Variants in CRADD observed in about 807,000 individuals in gnomAD.
CRADD encodes the protein CARD and death domain containing adaptor protein.
In CRADD, 9 loss-of-function variants were observed where a neutral mutation model predicts 15.5. The observed-to-expected ratio is 0.58, with a 90% CI of 0.35 to 1.01. CRADD has a LOEUF of 1.01. CRADD is among the 50% of genes least tolerant of loss of function. CRADD has a pLI of 0.02. For synonymous variants in CRADD, 118 were observed against 107.6 expected, an observed-to-expected ratio of 1.10 and a Z score of -0.60; for missense variants, 227 against 250.3, an observed-to-expected ratio of 0.91 and a Z score of 0.63.
intron 2 of CRADD, among the ~76,000 whole-genome samples, chr12:93,783,066 C>G (rs1957229670): frequency 6.6e-6 from 1 of 152,032 alleles, no homozygotes; most frequent in African/African-American, 2.4e-5. Flanking sequence ...TGGGTTATAA[C>G]CCAATTTGTA....
chr12:93,734,698 G>A (rs545910667), intron 2 of CRADD, among the ~76,000 whole-genome samples: 9 of 152,218 alleles, frequency 5.9e-5, no homozygotes, highest in East Asian at 5.8e-4. Context: ...CCCGTCCCTC[G>A]TATTGCCTGT....
intron 2 of CRADD, among the ~76,000 whole-genome samples, chr12:93,716,751 A>T (rs959993690): frequency 6.6e-6 from 1 of 152,324 alleles, no homozygotes; most frequent in East Asian, 1.9e-4. Context: ...TTGTCTGGAT[A>T]TCACCGTTTA....
intron 2 of CRADD, among the ~76,000 whole-genome samples, chr12:93,765,048 G>A (rs1213968010): frequency 6.6e-6 from 1 of 151,694 alleles, no homozygotes; most frequent in Non-Finnish European, 1.5e-5. Context: ...AGATATGGCT[G>A]AATGGAAATT....
At chr12:93,799,158 G>GAATCCAAA (rs1195428832) in intron 2 of CRADD, among the ~76,000 whole-genome samples, 1 of 152,176 alleles carries the variant, frequency 6.6e-6, no homozygotes, top group Non-Finnish European at 1.5e-5. Context: ...AGGCCCCAAG[G>GAATCCAAA]AATCCAAAAA....
intron 2 of CRADD, among the ~76,000 whole-genome samples, chr12:93,754,200 A>G (rs1023642325): frequency 2.6e-5 from 4 of 152,182 alleles, no homozygotes; most frequent in Non-Finnish European, 4.4e-5. Context: ...CTTTTTAGCC[A>G]TGGCTGGGAC....
At chr12:93,727,960 C>CTG (rs1418664383) in intron 2 of CRADD, among the ~76,000 whole-genome samples, 2 of 152,200 alleles carry the variant, frequency 1.3e-5, no homozygotes, top group African/African-American at 4.8e-5. Flanking sequence ...TGGAGGTAGA[C>CTG]TGTGTTTTTC....
chr12:93,886,796 A>G (rs17021672), intron 2 of CRADD, among the ~76,000 whole-genome samples: 13,945 of 152,160 alleles, frequency 0.092, 926 homozygotes, highest in African/African-American at 0.18. Context: ...TGCCCCTGCT[A>G]ACAGTGGAGA....
intron 2 of CRADD, among the ~76,000 whole-genome samples, chr12:93,827,485 G>A (rs1320288338): frequency 6.6e-6 from 1 of 152,080 alleles, no homozygotes; most frequent in Non-Finnish European, 1.5e-5. Flanking sequence ...CATTTGTTTC[G>A]TCGGCTATTA....
At chr12:93,726,695 T>A (rs1039963956) in intron 2 of CRADD, among the ~76,000 whole-genome samples, 3 of 152,174 alleles carry the variant, frequency 2.0e-5, no homozygotes, top group Non-Finnish European at 4.4e-5. Context: ...TTTCCTCATT[T>A]TTTTTTTCTG....
intron 2 of CRADD, among the ~76,000 whole-genome samples, chr12:93,842,182 T>C (rs1370015095): frequency 2.6e-5 from 4 of 152,164 alleles, no homozygotes; most frequent in Admixed American, 2.6e-4. Context: ...AGAGTTCCCA[T>C]TCTCAGATTA....
intron 2 of CRADD, chr12:93,815,104 A>C (rs1957679061): frequency 6.6e-6 from 1 of 152,208 alleles, no homozygotes; most frequent in Admixed American, 6.5e-5. Context: ...CAATCCCACA[A>C]AGCGACCACC....
intron 2 of CRADD, among the ~76,000 whole-genome samples, chr12:93,683,792 T>C: frequency 6.6e-6 from 1 of 152,256 alleles, no homozygotes; most frequent in East Asian, 1.9e-4. Context: ...GATATTGTGA[T>C]GGGTTTATTA....
At position 93,850,246 on chromosome 12, in the gene CRADD, C is replaced by T. The variant is rs532975114; in HGVS notation, c.575C>T (p.Ser192Leu). ...CTGCGGGCTGTGGAGGTGGACCCCT[C>T]GCTGCTCCTGCACATGTTGGAGTGA... Reference protein sequence around the residue: ...NGLRAVEVDPSLLLHMLE With the variant: ...NGLRAVEVDPLLLLHMLE The change falls in exon 3 of 3, where the codon TCG becomes TTG. Residue 192 changes from serine (S) to leucine (L), a missense_variant. Ser to Leu is a moderately radical substitution (Grantham distance 145, BLOSUM62 -2). Transcript: ENST00000332896. The surrounding 1 kb of genome is among the most constrained non-coding windows in gnomAD (Gnocchi z 4.0). The T allele has an allele frequency of 1.4e-4, 232 of 1,605,452 alleles. 1 individual carries two copies. In the South Asian group the frequency reaches 2.4e-3, roughly 17 times the overall value.
At chr12:93,766,128 C>G (rs537746497) in intron 2 of CRADD, among the ~76,000 whole-genome samples, 1 of 152,280 alleles carries the variant, frequency 6.6e-6, no homozygotes, top group Admixed American at 6.5e-5. Flanking sequence ...ATGGAAAACT[C>G]AAAACGCCTG....
chr12:93,756,718 A>C (rs886224037), intron 2 of CRADD, among the ~76,000 whole-genome samples: 1 of 152,226 alleles, frequency 6.6e-6, no homozygotes, highest in African/African-American at 2.4e-5. Context: ...GGAACAATCC[A>C]AAGAGGAAAT....
chr12:93,845,688 C>G (rs1167203303), intron 2 of CRADD, among the ~76,000 whole-genome samples: 2 of 152,020 alleles, frequency 1.3e-5, no homozygotes, highest in Non-Finnish European at 2.9e-5. Context: ...GTATTTTATG[C>G]TATAGAAAGA....
chr12:93,682,356 A>G (rs1433898088), intron 2 of CRADD, among the ~76,000 whole-genome samples: 2 of 152,190 alleles, frequency 1.3e-5, no homozygotes, highest in African/African-American at 4.8e-5. Context: ...AACTCTTCCT[A>G]CCTTTTCCTC....
intron 2 of CRADD, among the ~76,000 whole-genome samples, chr12:93,688,315 C>A (rs1373530954): frequency 5.3e-5 from 8 of 152,142 alleles, no homozygotes; most frequent in African/African-American, 1.9e-4. Flanking sequence ...CCAGCCTGGG[C>A]AACATGGCAA....
chr12:93,793,817 G>C (rs924478917), intron 2 of CRADD, among the ~76,000 whole-genome samples: 3 of 152,134 alleles, frequency 2.0e-5, no homozygotes, highest in African/African-American at 7.2e-5. Flanking sequence ...AAAGTTAACA[G>C]CAACAACAAA....
Sources: allele counts gnomAD v4.1 joint callset (sites outside exome capture counted in the v4.1 genomes callset), GRCh38; gene constraint gnomAD v4.1.1; non-coding constraint Gnocchi (gnomAD v3.1); transcripts MANE v1.5; gene names NCBI Gene and HGNC (gene_info 2026-07-23, HGNC 2026-07-21).